Variants in TENM4 observed in about 807,000 individuals in gnomAD.
TENM4 encodes teneurin-4.
In TENM4, 82 loss-of-function variants were observed where a neutral mutation model predicts 243.3. The observed-to-expected ratio is 0.34, with a 90% CI of 0.28 to 0.40. The LOEUF (loss-of-function observed/expected upper bound fraction) is 0.40, where lower values mean the gene tolerates loss of function less well. TENM4 is among the 10% of genes least tolerant of loss of function. TENM4 has a pLI of 1.00. For synonymous variants in TENM4, 1,412 were observed against 1,456.3 expected (o/e 0.97, Z 0.69); for missense variants, 3,138 against 3,673.3 (o/e 0.85, Z 3.77).
At chr11:79,366,609 A>G (rs534970878) in intron 1 of TENM4, among the ~76,000 whole-genome samples, 24 of 152,160 alleles carry the variant, frequency 1.6e-4, no homozygotes, top group Non-Finnish European at 3.2e-4. Flanking sequence ...CCAATAGGTA[A>G]TTTTCTCTTT....
chr11:78,992,901 T>C (rs1239409467), intron 6 of TENM4, among the ~76,000 whole-genome samples: 2 of 152,188 alleles, frequency 1.3e-5, no homozygotes, highest in Non-Finnish European at 2.9e-5. Context: ...CTCAATAAAT[T>C]GTGGTTTTAA....
intron 28 of TENM4, among the ~76,000 whole-genome samples, chr11:78,693,096 AC>A (rs1372020410): frequency 1.3e-5 from 2 of 152,250 alleles, no homozygotes; most frequent in Non-Finnish European, 2.9e-5. Flanking sequence ...GTACATGTTT[AC>A]TTAATGAATA....
At chr11:79,112,073 G>A (rs1591291308) in intron 4 of TENM4, among the ~76,000 whole-genome samples, 1 of 152,152 alleles carries the variant, frequency 6.6e-6, no homozygotes, top group Non-Finnish European at 1.5e-5. Flanking sequence ...CTGCCTCATT[G>A]GTCGTGTAGG....
intron 2 of TENM4, among the ~76,000 whole-genome samples, chr11:79,278,832 A>G (rs1158125610): frequency 6.6e-6 from 1 of 152,142 alleles, no homozygotes. Flanking sequence ...TGACACTGTC[A>G]CTATCAGGAA....
intron 2 of TENM4, among the ~76,000 whole-genome samples, chr11:79,220,772 T>C (rs1864140868): frequency 6.6e-6 from 1 of 152,216 alleles, no homozygotes; most frequent in Non-Finnish European, 1.5e-5. Flanking sequence ...CAGTGACCAC[T>C]ATGTCTTCAA....
rs550279674 is a variant in TENM4 at position 78,884,391 on chromosome 11, C to T, written c.1084+5394G>A. 9.2e-5 allele frequency among the ~76,000 whole-genome samples: 14 copies of T among 152,328 alleles called. No individual in the cohort carries two copies. The South Asian group carries it at 2.9e-3, about 32-fold the overall frequency. ...AGGTTAAGCAAACTGCCCAAGTTTA[C>T]ACCGTCAGCAAGTGATACAGCCAGG... On this transcript the variant is annotated intron_variant, in intron 9 of 33. Coordinates refer to ENST00000278550, the MANE Select transcript of TENM4 (RefSeq NM_001098816.3).
At chr11:78,809,456 G>A (rs368558722) in intron 14 of TENM4, among the ~76,000 whole-genome samples, 1 of 152,212 alleles carries the variant, frequency 6.6e-6, no homozygotes, top group Non-Finnish European at 1.5e-5. Flanking sequence ...TATAGGGCCA[G>A]TATCTATGCC....
At chr11:79,107,330 C>G (rs532642385) in intron 4 of TENM4, among the ~76,000 whole-genome samples, 1 of 152,142 alleles carries the variant, frequency 6.6e-6, no homozygotes, top group African/African-American at 2.4e-5. Flanking sequence ...GGAAAAAATA[C>G]AAACAGACGA....
chr11:79,208,539 C>T (rs1285905557), intron 3 of TENM4, among the ~76,000 whole-genome samples: 1 of 152,184 alleles, frequency 6.6e-6, no homozygotes, highest in Non-Finnish European at 1.5e-5. Context: ...TGATTATTTT[C>T]AACCCAGTGG....
chr11:79,065,021 C>T lies in TENM4; in HGVS notation c.224-14G>A, dbSNP rs1347592048. ...TGAAGTTGGCACCTGGGAGGAAACA[C>T]AGGTGAACTTGGTTAGGGCACTGAG... On this transcript the variant is annotated splice_polypyrimidine_tract_variant and intron_variant, in intron 5 of 33. Transcript: ENST00000278550. 1.4e-6 allele frequency: 2 copies of T among 1,454,396 alleles called. No homozygotes were observed. Among genetic ancestry groups the T allele is most frequent in the African/African-American group, 2.9e-5 (2 of 69,960 alleles). 90.1% of individuals were successfully genotyped at this position (1,454,396 alleles called of 1,614,324 possible). A position where few individuals can be genotyped will look rare whatever the true frequency, so the allele number is the denominator to read the frequency against.
At chr11:79,270,611 C>T (rs1297892858) in intron 2 of TENM4, among the ~76,000 whole-genome samples, 1 of 152,088 alleles carries the variant, frequency 6.6e-6, no homozygotes, top group African/African-American at 2.4e-5. Flanking sequence ...TCCCAGTGAA[C>T]TTTTCATTTC....
intron 12 of TENM4, among the ~76,000 whole-genome samples, chr11:78,837,092 G>C (rs944332497): frequency 1.3e-5 from 2 of 152,186 alleles, no homozygotes; most frequent in Non-Finnish European, 2.9e-5. Flanking sequence ...CAAAAGTGTT[G>C]TCTTTCTGAT....
intron 4 of TENM4, among the ~76,000 whole-genome samples, chr11:79,146,409 A>C (rs1414391867): frequency 6.6e-6 from 1 of 152,104 alleles, no homozygotes; most frequent in Non-Finnish European, 1.5e-5. Flanking sequence ...TTCTGAATTT[A>C]ATAATTGCCA....
intron 12 of TENM4, among the ~76,000 whole-genome samples, chr11:78,844,413 G>A (rs1591065661): frequency 1.3e-5 from 2 of 152,210 alleles, no homozygotes; most frequent in Non-Finnish European, 1.5e-5. Context: ...GGAGGCCAAG[G>A]CAGGCAGATC....
chr11:78,719,426 C>T (rs1181483660), intron 25 of TENM4, among the ~76,000 whole-genome samples: 1 of 152,066 alleles, frequency 6.6e-6, no homozygotes, highest in Non-Finnish European at 1.5e-5. Context: ...TAAAATAACA[C>T]ATACAATTAT....
intron 6 of TENM4, among the ~76,000 whole-genome samples, chr11:78,920,240 C>A (rs373500962): frequency 6.6e-6 from 1 of 152,198 alleles, no homozygotes; most frequent in Non-Finnish European, 1.5e-5. Context: ...GAGCACCTCT[C>A]ATATGCCAGG....
At position 79,221,355 on chromosome 11, in the gene TENM4, T is replaced by TA. The variant is rs397739566; in HGVS notation, c.-264-5447dup. Among the ~76,000 whole-genome samples, 65 of 151,450 alleles carry TA rather than the reference T, an allele frequency of 4.3e-4. 1 individual carries two copies. In the South Asian group the frequency reaches 0.011, roughly 26 times the overall value. On this transcript the variant is annotated intron_variant, in intron 2 of 33. Transcript: ENST00000278550. Reference sequence around the variant, plus strand: ...GTCCATTTAGAATATGGATTTTTTTTAAGCCTTTCTAAGGACTGGATGAAG... The same window carrying TA: ...GTCCATTTAGAATATGGATTTTTTTTAAAGCCTTTCTAAGGACTGGATGAAG...
chr11:79,394,461 A>C (rs1245248022), intron 1 of TENM4, among the ~76,000 whole-genome samples: 1 of 152,222 alleles, frequency 6.6e-6, no homozygotes, highest in African/African-American at 2.4e-5. Context: ...CAGTTTCAGA[A>C]TATATAATAG....
chr11:79,087,272 G>A (rs1239243659), intron 4 of TENM4, among the ~76,000 whole-genome samples: 1 of 152,210 alleles, frequency 6.6e-6, no homozygotes, highest in African/African-American at 2.4e-5. Context: ...TCTGAGTGCA[G>A]AGGTATGTCC....
Sources: allele counts gnomAD v4.1 joint callset (sites outside exome capture counted in the v4.1 genomes callset), GRCh38; gene constraint gnomAD v4.1.1; transcripts MANE v1.5; gene names NCBI Gene and HGNC (gene_info 2026-07-23, HGNC 2026-07-21).